ATAD3B: variants seen among roughly 807,000 people sequenced by gnomAD.
The protein encoded by ATAD3B is ATPase family AAA domain containing 3B, also known as ATPase family AAA domain-containing protein 3B.
In ATAD3B, 59 loss-of-function variants were observed where a neutral mutation model predicts 70.2. That is an observed-to-expected ratio of 0.84 (90% confidence interval 0.68 to 1.04). ATAD3B has a LOEUF of 1.04. Among genes scored for constraint, ATAD3B ranks in the 50% least tolerant of loss-of-function variants. The pLI is 0.00. For synonymous variants in ATAD3B, 423 were observed against 388.6 expected (o/e 1.09, Z -1.04); for missense variants, 961 against 913.4 (o/e 1.05, Z -0.67).
At chr1:1,479,396 GCACA>G (rs559593951) in intron 4 of ATAD3B, among the ~76,000 whole-genome samples, 1 of 139,802 alleles carries the variant, frequency 7.2e-6, no homozygotes, top group Non-Finnish European at 1.5e-5. Flanking sequence ...GCACACATGG[GCACA>G]CACACACCCC....
Position 1,485,152 on chromosome 1 carries a change from C to A in ATAD3B, c.887C>A (p.Ala296Glu). ...RETSRITVLE[A>E]LRHPIQVSRR... ...ACGTCCCGCATCACGGTGCTGGAGG[C>A]GCTGCGGCACCCCATCCAGGTAGCG... The change falls in exon 8 of 16, where the codon GCG becomes GAG. Residue 296 changes from alanine to glutamate, a missense_variant. Ala to Glu is a moderately radical substitution (Grantham distance 107). This residue lies in a region of ATAD3B where 349 missense variants were observed against 307.5 expected (regional missense o/e 1.14). Transcript: ENST00000673477. 5.6e-6 allele frequency: 9 copies of A among 1,610,362 alleles called. No homozygotes were observed. In the South Asian group the frequency reaches 9.9e-5, roughly 18 times the overall value.
At position 1,478,946 on chromosome 1, in the gene ATAD3B, TG is replaced by T. The variant is rs1275433224; in HGVS notation, c.385-102del. The T allele has an allele frequency of 1.1e-4, 78 of 694,426 alleles. 1 individual carries two copies. The highest frequency in any genetic ancestry group is 1.7e-4 in the Non-Finnish European group (74 of 444,356). The allele number at this position is 694,426 out of a possible 1,614,324, so 43.0% of individuals were successfully genotyped here. The stretch of plus-strand genomic sequence containing the variant: ...GGAGGTCCCCGCGCCTCCCCACGTT[TG>T]TGTGAGGCTGATGGCGCGTCGGAGT... On this transcript the variant is annotated intron_variant, in intron 3 of 15. Coordinates refer to ENST00000673477, the MANE Select transcript of ATAD3B (RefSeq NM_031921.6).
In ATAD3B at chr1:1,495,906, G is replaced by A; in HGVS notation, c.*89G>A. On this transcript the variant is annotated 3_prime_UTR_variant, in exon 16 of 16. Transcript: ENST00000673477. The stretch of plus-strand genomic sequence containing the variant: ...TCCGTCTGGCTCACAGGGGGAGGGT[G>A]AGGCTTTGTACCCCAGCCCCTGCCC... 1.4e-6 allele frequency: 2 copies of A among 1,457,460 alleles called. No individual in the cohort carries two copies. The highest frequency in any genetic ancestry group is 5.2e-5 in the Admixed American group (2 of 38,380). 90.3% of individuals were successfully genotyped at this position (1,457,460 alleles called of 1,614,324 possible).
Position 1,496,060 on chromosome 1 carries a change from G to A in ATAD3B, c.*243G>A, listed in dbSNP as rs1640779675. The A allele has an allele frequency of 3.1e-6, 4 of 1,282,154 alleles. No individual in the cohort carries two copies. The highest frequency in any genetic ancestry group is 3.6e-5 in the Admixed American group (1 of 28,168). 79.4% of individuals were successfully genotyped at this position (1,282,154 alleles called of 1,614,324 possible). On this transcript the variant is annotated 3_prime_UTR_variant, in exon 16 of 16. Transcript: ENST00000673477. ...GCCTGCCAGGACTAGACAGAAGTGG[G>A]GCGGCCTGAACCCTGCTTCCAGCCA...
the ATAD3B span, among the ~76,000 whole-genome samples, chr1:1,505,511 C>A: frequency 5.9e-5 from 9 of 152,088 alleles, no homozygotes; most frequent in Admixed American, 3.9e-4. Context: ...TAAACTCCCC[C>A]GGGGAAAGGG....
intron 15 of ATAD3B, among the ~76,000 whole-genome samples, chr1:1,495,264 A>G (rs566779081): frequency 3.5e-4 from 54 of 152,130 alleles, no homozygotes; most frequent in African/African-American, 1.3e-3. Flanking sequence ...TCATTGAGCA[A>G]CAGCAGTGCT....
chr1:1,498,057 C>G (rs1640845470), downstream of ATAD3B, among the ~76,000 whole-genome samples: 1 of 151,736 alleles, frequency 6.6e-6, no homozygotes, highest in Non-Finnish European at 1.5e-5. Context: ...AATCCCAGCA[C>G]TTTGGGAGGC....
Position 1,489,648 on chromosome 1 carries a change from A to G in ATAD3B, c.1337+374A>G, listed in dbSNP as rs749436065. ...TGTCCAGGCTCCCTCTTCCCTCCCAAATCCCTTAATTTTGAGTTTTCTTGG... is the reference window on the plus strand; with the variant it reads ...TGTCCAGGCTCCCTCTTCCCTCCCAGATCCCTTAATTTTGAGTTTTCTTGG... On this transcript the variant is annotated intron_variant, in intron 13 of 15. Transcript: ENST00000673477. 2.5e-5 allele frequency: 34 copies of G among 1,338,436 alleles called. No individual in the cohort carries two copies. The East Asian group carries it at 5.0e-4, about 20-fold the overall frequency. 82.9% of individuals were successfully genotyped at this position (1,338,436 alleles called of 1,614,324 possible).
chr1:1,486,050 TG>T (rs1335490042), intron 9 of ATAD3B, 59 bp from the exon 10 acceptor site: 1 of 1,608,618 alleles, frequency 6.2e-7, no homozygotes. Context: ...CCGCAGCCCC[TG>T]TCACCGAGGC....
chr1:1,498,161 G>A (rs937150624), downstream of ATAD3B, among the ~76,000 whole-genome samples: 3 of 151,824 alleles, frequency 2.0e-5, no homozygotes, highest in Admixed American at 1.3e-4. Context: ...AAAGTTAGCC[G>A]GCATGGTGGT....
At chr1:1,485,915 C>A in intron 9 of ATAD3B, 77 bp downstream of exon 9, 1 of 1,608,688 alleles carries the variant, frequency 6.2e-7, no homozygotes, top group South Asian at 1.1e-5. Context: ...CCCTTGCTAG[C>A]GCTCGTGGTG....
rs1640141396 is a variant in ATAD3B at position 1,485,228 on chromosome 1, C to T, written c.906+57C>T. 3.8e-6 allele frequency: 6 copies of T among 1,593,366 alleles called. No homozygotes were observed. In the Admixed American group the frequency reaches 1.0e-4, roughly 27 times the overall value. ...CAGTTCCTGGCTGAGTCCCTTCTGC[C>T]CCACGAGCACAGCCCACGCACACCC... is the stretch of plus-strand genomic sequence containing the variant. On this transcript the variant is annotated intron_variant, in intron 8 of 15. Coordinates refer to ENST00000673477, the MANE Select transcript of ATAD3B (RefSeq NM_031921.6).
chr1:1,481,795 G>A (rs1639915973), intron 5 of ATAD3B, among the ~76,000 whole-genome samples: 3 of 151,956 alleles, frequency 2.0e-5, no homozygotes, highest in African/African-American at 4.8e-5. Context: ...GGGCAGGGCC[G>A]GCCTGTGGCG....
chr1:1,495,372 T>C, intron 15 of ATAD3B, 113 bp from the exon 16 acceptor site: 3 of 1,397,016 alleles, frequency 2.1e-6, no homozygotes, highest in Non-Finnish European at 2.9e-6. Flanking sequence ...TGTTTCACCC[T>C]GAGGTTGTCC....
chr1:1,500,750 G>A (rs530762940), downstream of ATAD3B, among the ~76,000 whole-genome samples: 61 of 151,098 alleles, frequency 4.0e-4, no homozygotes, highest in African/African-American at 1.4e-3. Flanking sequence ...TCAGGAGATC[G>A]AGACCATCCT....
At chr1:1,478,547 G>C (rs1042458780) in intron 2 of ATAD3B, 97 bp from the exon 3 acceptor site, 1 of 1,550,222 alleles carries the variant, frequency 6.5e-7, no homozygotes, top group Non-Finnish European at 8.7e-7. Context: ...TCTGGGCACG[G>C]AGTCTCTGCC....
rs908129229 is a variant in ATAD3B, at chr1:1,494,517, G to A, written c.1615-968G>A. Among the ~76,000 whole-genome samples, 7 of 152,028 alleles carry A rather than the reference G, an allele frequency of 4.6e-5. No individual in the cohort carries two copies. In the East Asian group the frequency reaches 5.8e-4, roughly 13 times the overall value. On this transcript the variant is annotated intron_variant, in intron 15 of 15. Transcript: ENST00000673477. ...TCTGGTCAGTGTCTCCTGCGCTCCC[G>A]GGCCCCCGACCCACAGTGGCGGTCC...
chr1:1,482,596 G>T lies in ATAD3B; in HGVS notation c.732G>T (p.Arg244=), dbSNP rs374282535. ...GEGFRAFVTD[R]DKVTATVAGL... The stretch of plus-strand genomic sequence containing the variant: ...GATTCCGTGCCTTTGTGACAGACCG[G>T]GACAAAGTGACAGCCACGGTAAACA... Residue 244 remains arginine, a synonymous_variant, in exon 7 of 16, where the codon CGG becomes CGT. Transcript: ENST00000673477. 6.2e-7 allele frequency: 1 copy of T among 1,613,342 alleles called. No homozygotes were observed. The highest frequency in any genetic ancestry group is 2.2e-5 in the East Asian group (1 of 44,876).
intron 8 of ATAD3B, 63 bp from the exon 9 acceptor site, chr1:1,485,719 G>A (rs1200096799): frequency 1.9e-5 from 30 of 1,604,920 alleles, no homozygotes; most frequent in African/African-American, 5.4e-5. Context: ...ATGTGTGTGC[G>A]TTGGTGGCTG....
Sources: allele counts gnomAD v4.1 joint callset (sites outside exome capture counted in the v4.1 genomes callset), GRCh38; gene constraint gnomAD v4.1.1; regional missense constraint gnomAD v4.1.1; transcripts MANE v1.5; gene names NCBI Gene and HGNC (gene_info 2026-07-23, HGNC 2026-07-21).